Variants in TAF5 observed in about 807,000 individuals in gnomAD.
TAF5 encodes transcription initiation factor TFIID subunit 5.
A neutral mutation model predicts 80.9 loss-of-function variants in TAF5; 20 were observed. That is an observed-to-expected ratio of 0.25 (90% CI 0.17 to 0.36). The LOEUF is 0.36. Ranked by LOEUF, TAF5 falls within the 10% of genes least tolerant of loss-of-function variation. The probability of loss-of-function intolerance (pLI) is 1.00; values close to 1 mark genes in which losing one functional copy is unlikely to be tolerated. For missense variants in TAF5, 863 were observed against 1,029.4 expected (o/e 0.84, Z 2.21); for synonymous variants, 388 against 406.4 (o/e 0.95, Z 0.55).
At chr10:103,380,217 C>T (rs563518370) in intron 5 of TAF5, among the ~76,000 whole-genome samples, 198 bp downstream of exon 5, 1 of 152,166 alleles carries the variant, frequency 6.6e-6, no homozygotes, top group Admixed American at 6.5e-5. Flanking sequence ...CAATGTCCGC[C>T]TCCCAGGTTC....
At position 103,373,345 on chromosome 10, in the gene TAF5, G is replaced by C; in HGVS notation, c.560-13G>C. On this transcript the variant is annotated splice_polypyrimidine_tract_variant and intron_variant, in intron 1 of 10. Coordinates refer to ENST00000369839, the MANE Select transcript of TAF5 (RefSeq NM_006951.5). ...TAGGTCATTTTCTTAAAAGTTTTTT[G>C]TTTTTTAAATAGTTGGAAGTGTTGC... 1 of 1,607,648 alleles carries C rather than the reference G, an allele frequency of 6.2e-7. No individual in the cohort carries two copies.
At position 103,379,987 on chromosome 10, in the gene TAF5, A is replaced by T; in HGVS notation, c.1381A>T (p.Ile461Phe). 1 of 1,613,786 alleles carries T rather than the reference A, an allele frequency of 6.2e-7. No individual in the cohort carries two copies. Among genetic ancestry groups the T allele is most frequent in the Non-Finnish European group, 8.5e-7 (1 of 1,179,886 alleles). The change falls in exon 5 of 11, where the codon ATT becomes TTT. Residue 461 changes from isoleucine to phenylalanine, a missense_variant. Coordinates refer to ENST00000369839, the MANE Select transcript of TAF5 (RefSeq NM_006951.5). The part of the protein sequence containing the change: ...VRLGPDCLPS[I>F]CFYTFLNAYQ... ...CCTTGGGCCGGACTGCTTACCCTCC[A>T]TTTGTTTCTATACATTTCTCAATGC...
At chr10:103,369,841 G>A (rs955311731) in intron 1 of TAF5, among the ~76,000 whole-genome samples, 6 of 152,220 alleles carry the variant, frequency 3.9e-5, no homozygotes, top group Admixed American at 1.3e-4. Flanking sequence ...TGAGAGCCAT[G>A]TGTTTAGGCA....
Position 103,388,339 on chromosome 10 carries a change from G to A in TAF5, c.*116G>A. 1.1e-6 allele frequency: 1 copy of A among 899,358 alleles called. No homozygotes were observed. The highest frequency in any genetic ancestry group is 1.7e-5 in the African/African-American group (1 of 59,284). 55.7% of individuals were successfully genotyped at this position (899,358 alleles called of 1,614,324 possible). ...AGAATGTTTTTGTCTATATGGATCT[G>A]GAAGTATGCTGCTTGGAAAAATCTG... On this transcript the variant is annotated 3_prime_UTR_variant, in exon 11 of 11. Transcript: ENST00000369839.
chr10:103,380,094 A>C, intron 5 of TAF5, 75 bp downstream of exon 5: 1 of 1,479,268 alleles, frequency 6.8e-7, no homozygotes, highest in Non-Finnish European at 9.1e-7. Context: ...AGAGAAACAA[A>C]TGTATTAGCT....
chr10:103,380,118 G>T, intron 5 of TAF5, 99 bp downstream of exon 5: 5 of 1,333,732 alleles, frequency 3.7e-6, no homozygotes, highest in Admixed American at 2.5e-5. Context: ...ATGGAGTTTC[G>T]TTATTTAAAC....
chr10:103,379,434 T>A (rs1189472693), intron 3 of TAF5, among the ~76,000 whole-genome samples, 174 bp from the exon 4 acceptor site: 2 of 152,130 alleles, frequency 1.3e-5, no homozygotes, highest in Admixed American at 1.3e-4. Flanking sequence ...TCCAATAAAA[T>A]CAGGGTTCTG....
intron 7 of TAF5, among the ~76,000 whole-genome samples, chr10:103,384,967 C>T (rs1029416381): frequency 6.6e-6 from 1 of 152,092 alleles, no homozygotes; most frequent in African/African-American, 2.4e-5. Context: ...TTTTAAGTGA[C>T]ATATCACATT....
chr10:103,374,717 T>A lies in TAF5; in HGVS notation c.797+1122T>A, dbSNP rs1485614319. Among the ~76,000 whole-genome samples the A allele has an allele frequency of 6.6e-6, 1 of 152,222 alleles. No homozygotes were observed. Among genetic ancestry groups the A allele is most frequent in the Non-Finnish European group, 1.5e-5 (1 of 68,048 alleles). ...TAGATATATACTTTGAAAGGACCTT[T>A]ATGCAGTGGGGAAAACAAATGGGGG... On this transcript the variant is annotated intron_variant, in intron 2 of 10. Coordinates refer to ENST00000369839, the MANE Select transcript of TAF5 (RefSeq NM_006951.5). This position sits in a 1 kb window ranked among gnomAD's most constrained non-coding sequence, Gnocchi z 4.3.
rs1037126089 is a variant in TAF5 at position 103,374,810 on chromosome 10, C to T, written c.797+1215C>T. On this transcript the variant is annotated intron_variant, in intron 2 of 10. Transcript: ENST00000369839. The surrounding 1 kb of genome is among the most constrained non-coding windows in gnomAD (Gnocchi z 4.3). ...GTTCTCAACTGGAGGTGGAATTGCT[C>T]CTTCCACTAGACCATTTGAAAATGT... Among the ~76,000 whole-genome samples, 6 of 152,162 alleles carry T rather than the reference C, an allele frequency of 3.9e-5. No homozygotes were observed. Among genetic ancestry groups the T allele is most frequent in the African/African-American group, 4.8e-5 (2 of 41,434 alleles).
At position 103,387,711 on chromosome 10, in the gene TAF5, T is replaced by C. The variant is rs996988254; in HGVS notation, c.2185+13T>C. ...ATTTTGGCATCAGGTAAATGACTAT[T>C]AATGGCTTTACGATAAATGCTATGT... On this transcript the variant is annotated intron_variant, in intron 10 of 10. Transcript: ENST00000369839. 6.2e-7 allele frequency: 1 copy of C among 1,604,524 alleles called. No homozygotes were observed. The highest frequency in any genetic ancestry group is 8.5e-7 in the Non-Finnish European group (1 of 1,175,716).
chr10:103,370,323 G>A (rs564350642), intron 1 of TAF5, among the ~76,000 whole-genome samples: 11 of 142,072 alleles, frequency 7.7e-5, no homozygotes, highest in African/African-American at 2.8e-4. Flanking sequence ...GTGGTTATGA[G>A]GCTTTTTTTT....
chr10:103,385,379 A>G lies in TAF5; in HGVS notation c.1718A>G (p.Gln573Arg). 6.2e-7 allele frequency: 1 copy of G among 1,614,024 alleles called. No individual in the cohort carries two copies. The highest frequency in any genetic ancestry group is 2.2e-5 in the East Asian group (1 of 44,876). Residue 573 changes from glutamine to arginine, a missense_variant, in exon 8 of 11, where the codon CAA (glutamine) becomes CGA (arginine). Gln to Arg is a conservative substitution (Grantham distance 43, BLOSUM62 1). Coordinates refer to ENST00000369839, the MANE Select transcript of TAF5 (RefSeq NM_006951.5). ...EDGTVRLWSLQTFTCLVGYKG... is the reference protein window; with the variant it reads ...EDGTVRLWSLRTFTCLVGYKG... ...GGAACTGTTAGATTGTGGAGCCTTC[A>G]AACATTTACTTGTTTGGTGGGATAT...
At chr10:103,377,597 T>C (rs1433197561) in intron 2 of TAF5, among the ~76,000 whole-genome samples, 1 of 152,232 alleles carries the variant, frequency 6.6e-6, no homozygotes, top group Non-Finnish European at 1.5e-5. Context: ...GGCTTTATTT[T>C]ATTGTCTTTG....
In TAF5 at chr10:103,388,443, G is replaced by A; in HGVS notation, c.*220G>A. 6.7e-6 allele frequency: 3 copies of A among 449,946 alleles called. No homozygotes were observed. The highest frequency in any genetic ancestry group is 7.9e-6 in the Non-Finnish European group (2 of 251,666). The allele number at this position is 449,946 out of a possible 1,614,324, so 27.9% of individuals were successfully genotyped here. On this transcript the variant is annotated 3_prime_UTR_variant, in exon 11 of 11. Transcript: ENST00000369839. ...TTGAATAAGAGGTATTATGATCATG[G>A]AGGGGACATTTATGGTGCTTTGGAT...
chr10:103,380,019 G>A lies in TAF5; in HGVS notation c.1413G>A (p.Gln471=). The change falls in exon 5 of 11, where the codon CAG becomes CAA. Residue 471 remains glutamine, a splice_region_variant and synonymous_variant. Transcript: ENST00000369839. ...ICFYTFLNAY[Q]GLTAVDVTDD... is the part of the protein sequence containing the mutation. ...TCTATACATTTCTCAATGCTTACCAGGTTGGTAAAAAAATTGGGCGATTTC... is the reference window on the plus strand; with the variant it reads ...TCTATACATTTCTCAATGCTTACCAAGTTGGTAAAAAAATTGGGCGATTTC... The A allele has an allele frequency of 5.6e-6, 9 of 1,607,944 alleles. No homozygotes were observed. The highest frequency in any genetic ancestry group is 7.6e-6 in the Non-Finnish European group (9 of 1,177,888).
chr10:103,380,131 C>G, intron 5 of TAF5, 112 bp downstream of exon 5: 3 of 990,338 alleles, frequency 3.0e-6, no homozygotes, highest in Non-Finnish European at 4.2e-6. Context: ...ATTTAAACTC[C>G]TTTTTTTTTT....
chr10:103,380,166 G>T, intron 5 of TAF5, 147 bp downstream of exon 5: 1 of 988,710 alleles, frequency 1.0e-6, no homozygotes, highest in Non-Finnish European at 1.4e-6. Context: ...GTCTCGCTCT[G>T]TCGCCCAGCT....
intron 3 of TAF5, 101 bp from the exon 4 acceptor site, chr10:103,379,507 G>A (rs2093377269): frequency 9.4e-7 from 1 of 1,063,750 alleles, no homozygotes; most frequent in South Asian, 1.9e-5. Context: ...GCTTCAGAGT[G>A]TAAATTACTA....
Sources: gnomAD v4.1 joint callset for allele counts (sites outside exome capture counted in the v4.1 genomes callset) on GRCh38, gnomAD v4.1.1 for gene constraint, Gnocchi (gnomAD v3.1) non-coding constraint, MANE v1.5 for transcripts, NCBI Gene and HGNC (gene_info 2026-07-23, HGNC 2026-07-21) for gene names.